Variants in MPDZ observed in about 807,000 individuals in gnomAD.
MPDZ encodes the protein multiple PDZ domain protein.
MPDZ carries 234 observed loss-of-function variants against 239.1 expected under a neutral mutation model. The ratio of observed to expected loss-of-function variants is 0.98; its 90% CI spans 0.88 to 1.09. MPDZ has a LOEUF of 1.09. Ranked by LOEUF, MPDZ falls within the 50% of genes least tolerant of loss-of-function variation. The pLI is 0.00. For missense variants in MPDZ, 3,175 were observed against 2,510.0 expected (o/e 1.26, Z -5.66); for synonymous variants, 1,048 against 881.3 (o/e 1.19, Z -3.35).
intron 3 of MPDZ, among the ~76,000 whole-genome samples, chr9:13,229,359 T>C (rs1456117387): frequency 1.3e-5 from 2 of 151,932 alleles, no homozygotes; most frequent in African/African-American, 4.8e-5. Flanking sequence ...AGAGGCTGAC[T>C]AGAATGGCAT....
chr9:13,113,868 G>A lies in MPDZ; in HGVS notation c.5557+63C>T. On this transcript the variant is annotated intron_variant, in intron 41 of 46. Coordinates refer to ENST00000319217, the MANE Select transcript of MPDZ (RefSeq NM_001378778.1). ...GAAAAGAAAGCTCAGAGGTAAACAA[G>A]ACAAAAAAATCAGTGTTGACAGCCA... 6.2e-6 allele frequency: 8 copies of A among 1,281,698 alleles called. No homozygotes were observed. The South Asian group carries it at 9.1e-5, about 15-fold the overall frequency. The allele number at this position is 1,281,698 out of a possible 1,614,324, so 79.4% of individuals were successfully genotyped here. A position where few individuals can be genotyped will look rare whatever the true frequency, so the allele number is the denominator to read the frequency against.
At chr9:13,183,717 C>A (rs1953704199) in intron 18 of MPDZ, 132 bp from the exon 19 acceptor site, 2 of 830,670 alleles carry the variant, frequency 2.4e-6, no homozygotes, top group East Asian at 2.7e-5. Flanking sequence ...GCCCTCTTAA[C>A]CCTCATCAGA....
chr9:13,136,860 T>C (rs1946893677), intron 29 of MPDZ, 57 bp from the exon 30 acceptor site: 2 of 947,524 alleles, frequency 2.1e-6, no homozygotes, highest in South Asian at 1.7e-5. Flanking sequence ...TAAAGTTTTA[T>C]CATCCTTCCT....
intron 38 of MPDZ, chr9:13,119,869 G>C: frequency 1.8e-6 from 1 of 555,434 alleles, no homozygotes; most frequent in Admixed American, 3.1e-5. Context: ...TCTCCAATAA[G>C]CATATTTATT....
At chr9:13,168,711 T>C in intron 21 of MPDZ, 147 bp from the exon 22 acceptor site, 3 of 648,244 alleles carry the variant, frequency 4.6e-6, no homozygotes, top group Non-Finnish European at 7.4e-6. Flanking sequence ...CAGGAAAAAG[T>C]GTTTCTAACA....
rs1448907006 is a variant in MPDZ, at chr9:13,134,012, T to C, written c.4384-108A>G. ...AAATTATTTTATACATTATATAAAA[T>C]TATTTTACATTTATTTATTTTAATA... is the stretch of plus-strand genomic sequence containing the variant. On this transcript the variant is annotated intron_variant, in intron 31 of 46. Transcript: ENST00000319217. The C allele has an allele frequency of 1.3e-5, 5 of 385,640 alleles. No individual in the cohort carries two copies. The East Asian group carries it at 1.7e-4, about 13-fold the overall frequency. The allele number at this position is 385,640 out of a possible 1,614,324, so 23.9% of individuals were successfully genotyped here. A position where few individuals can be genotyped will look rare whatever the true frequency, so the allele number is the denominator to read the frequency against.
At chr9:13,279,293 A>ATCCCCG (rs1975085879) in intron 1 of MPDZ, 107 bp downstream of exon 1, 4 of 49,924 alleles carry the variant, frequency 8.0e-5, no homozygotes, top group African/African-American at 2.2e-4. Flanking sequence ...CCCCACCCCC[A>ATCCCCG]CCCCCAAGCG....
chr9:13,178,258 C>CA (rs368605859), intron 19 of MPDZ, among the ~76,000 whole-genome samples: 72,210 of 116,532 alleles, frequency 0.62, 22,358 homozygotes, highest in Middle Eastern at 0.73. Flanking sequence ...GACTGCATCT[C>CA]AAAAAAAAAA....
intron 1 of MPDZ, among the ~76,000 whole-genome samples, chr9:13,251,901 T>C (rs1968147442): frequency 6.6e-6 from 1 of 152,226 alleles, no homozygotes; most frequent in Non-Finnish European, 1.5e-5. Context: ...GGCTCTGACC[T>C]GGAATTGAAA....
At chr9:13,189,015 G>C in intron 16 of MPDZ, 22 bp from the exon 17 acceptor site, 1 of 1,596,402 alleles carries the variant, frequency 6.3e-7, no homozygotes, top group Non-Finnish European at 8.6e-7. Flanking sequence ...CAAAAGGAAA[G>C]AGTCAGCTCA....
chr9:13,231,837 C>G (rs1962575592), intron 3 of MPDZ, among the ~76,000 whole-genome samples: 2 of 151,918 alleles, frequency 1.3e-5, no homozygotes, highest in Admixed American at 1.3e-4. Context: ...TAGAAAAATA[C>G]TAAATGAGAA....
At position 13,121,799 on chromosome 9, in the gene MPDZ, A is replaced by T; in HGVS notation, c.5171T>A (p.Leu1724His). The T allele has an allele frequency of 6.2e-7, 1 of 1,613,886 alleles. No homozygotes were observed. Among genetic ancestry groups the T allele is most frequent in the Non-Finnish European group, 8.5e-7 (1 of 1,179,880 alleles). ...CGGCTTCTTCTGCAGCTCAATAGTG[A>T]GGGTGTCACACACTTCCTCCTCTTT... is the stretch of plus-strand genomic sequence containing the variant. ...PYKEEEVCDTLTIELQKKPGK... is the reference protein window; with the variant it reads ...PYKEEEVCDTHTIELQKKPGK... Residue 1724 changes from leucine (L) to histidine (H), a missense_variant, in exon 38 of 47, where the codon CTC (leucine) becomes CAC (histidine). By Grantham distance (99) the Leu-to-His change is moderately conservative. Transcript: ENST00000319217.
intron 22 of MPDZ, chr9:13,165,633 A>C (rs1471458806): frequency 2.3e-6 from 1 of 436,956 alleles, no homozygotes; most frequent in Non-Finnish European, 4.0e-6. Context: ...AAAAAATGTA[A>C]CTGCAATCAG....
At chr9:13,144,576 C>T (rs1948185539) in intron 26 of MPDZ, among the ~76,000 whole-genome samples, 1 of 152,018 alleles carries the variant, frequency 6.6e-6, no homozygotes, top group African/African-American at 2.4e-5. Context: ...TATAAAAAAG[C>T]CCCACTGGCA....
In MPDZ at chr9:13,107,443, A is replaced by G. The variant is rs116740110; in HGVS notation, c.6067-332T>C. Reference sequence around the variant, plus strand: ...GAATTTGCCTAGTAGGAATGATTCAATAGAATCCAGGATTTTCTATCCTGT... The same window carrying G: ...GAATTTGCCTAGTAGGAATGATTCAGTAGAATCCAGGATTTTCTATCCTGT... On this transcript the variant is annotated intron_variant, in intron 46 of 46. Coordinates refer to ENST00000319217, the MANE Select transcript of MPDZ (RefSeq NM_001378778.1). 8.0e-3 allele frequency among the ~76,000 whole-genome samples: 1,219 copies of G among 152,304 alleles called. 23 individuals carry two copies. Among genetic ancestry groups the G allele is most frequent in the African/African-American group, 0.027 (1,142 of 41,560 alleles).
At chr9:13,249,128 A>ACACACG (rs1554722801) in intron 2 of MPDZ, among the ~76,000 whole-genome samples, 2 of 151,244 alleles carry the variant, frequency 1.3e-5, no homozygotes, top group East Asian at 3.9e-4. Flanking sequence ...ACACACACAC[A>ACACACG]CACACACACA....
chr9:13,125,807 A>G (rs1945024010), intron 34 of MPDZ, among the ~76,000 whole-genome samples: 2 of 152,226 alleles, frequency 1.3e-5, no homozygotes, highest in Non-Finnish European at 2.9e-5. Flanking sequence ...TAGAAGCAGA[A>G]TAAGAAAAGT....
At chr9:13,163,682 T>C (rs894916593) in intron 22 of MPDZ, among the ~76,000 whole-genome samples, 3 of 152,160 alleles carry the variant, frequency 2.0e-5, no homozygotes, top group Non-Finnish European at 2.9e-5. Flanking sequence ...TACAGCATGT[T>C]TGTGCAACTA....
At chr9:13,201,778 GATAAAA>G (rs1416474304) in intron 12 of MPDZ, among the ~76,000 whole-genome samples, 1 of 151,738 alleles carries the variant, frequency 6.6e-6, no homozygotes, top group African/African-American at 2.4e-5. Flanking sequence ...ATTTATAAAA[GATAAAA>G]ATAAAAGATA....
Sources: gnomAD v4.1 joint callset for allele counts (sites outside exome capture counted in the v4.1 genomes callset) on GRCh38, gnomAD v4.1.1 for gene constraint, MANE v1.5 for transcripts, NCBI Gene and HGNC (gene_info 2026-07-23, HGNC 2026-07-21) for gene names.